The following SLC35F5 variants were observed in gnomAD, a reference collection of about 807,000 sequenced individuals.
SLC35F5 encodes HCV NS5A-transactivated protein 3.
In SLC35F5, 54 loss-of-function variants were observed where a neutral mutation model predicts 68.6. The observed-to-expected ratio is 0.79, with a 90% CI of 0.63 to 0.99. The LOEUF (loss-of-function observed/expected upper bound fraction) is 0.99. SLC35F5 is among the 50% of genes least tolerant of loss of function. The probability of loss-of-function intolerance (pLI) is 0.00; values close to 1 mark genes in which losing one functional copy is unlikely to be tolerated. For missense variants in SLC35F5, 567 were observed against 626.9 expected (o/e 0.90, Z 1.02); for synonymous variants, 211 against 205.2 (o/e 1.03, Z -0.24).
chr2:113,728,076 C>G (rs1316328406), intron 11 of SLC35F5, among the ~76,000 whole-genome samples: 1 of 152,120 alleles, frequency 6.6e-6, no homozygotes. Flanking sequence ...ACTGCAGACT[C>G]GAACTCCTGG....
intron 13 of SLC35F5, among the ~76,000 whole-genome samples, chr2:113,721,725 T>G (rs1301137731): frequency 1.3e-5 from 2 of 152,164 alleles, no homozygotes; most frequent in South Asian, 2.1e-4. Flanking sequence ...AAGAAGGGCC[T>G]AGATATTACT....
At chr2:113,723,023 A>G in intron 13 of SLC35F5, 81 bp downstream of exon 13, 1 of 908,660 alleles carries the variant, frequency 1.1e-6, no homozygotes, top group Non-Finnish European at 1.6e-6. Context: ...TATCCTTATA[A>G]TTTAATCACA....
rs369261900 is a variant in SLC35F5 at position 113,743,692 on chromosome 2, C to G, written c.562+21G>C. ...GCTTGAATAAAGGTAAACTTTCTAC[C>G]CATTTCCAAGTTTTGCTTACTTTTT... On this transcript the variant is annotated intron_variant, in intron 6 of 15. Transcript: ENST00000245680. The G allele has an allele frequency of 2.5e-6, 4 of 1,595,096 alleles. No homozygotes were observed. In the African/African-American group the frequency reaches 5.4e-5, roughly 21 times the overall value.
At chr2:113,745,008 T>C (rs1205421443) in intron 5 of SLC35F5, among the ~76,000 whole-genome samples, 2 of 152,142 alleles carry the variant, frequency 1.3e-5, no homozygotes, top group African/African-American at 4.8e-5. Flanking sequence ...TTTTAACTCC[T>C]GGTACAGAGC....
At chr2:113,753,179 T>C (rs1447712491) in intron 3 of SLC35F5, among the ~76,000 whole-genome samples, 2 of 131,652 alleles carry the variant, frequency 1.5e-5, no homozygotes, top group Non-Finnish European at 3.3e-5. Flanking sequence ...TTTTTTTTTT[T>C]TTTTTTTTTT....
chr2:113,755,093 T>C, intron 3 of SLC35F5, 72 bp downstream of exon 3: 1 of 1,455,858 alleles, frequency 6.9e-7, no homozygotes, highest in Non-Finnish European at 9.4e-7. Context: ...TTGTAACGGC[T>C]AGAGTTACTA....
chr2:113,750,373 A>G, intron 4 of SLC35F5, 52 bp downstream of exon 4: 1 of 1,476,348 alleles, frequency 6.8e-7, no homozygotes, highest in South Asian at 1.4e-5. Context: ...TAAACTTTGA[A>G]AAAACGTATC....
chr2:113,753,097 T>C (rs13025042), intron 3 of SLC35F5, among the ~76,000 whole-genome samples: 21,283 of 150,412 alleles, frequency 0.14, 1,645 homozygotes, highest in African/African-American at 0.18. Flanking sequence ...TTGTATATGT[T>C]AGAAAATAAC....
chr2:113,736,751 T>G (rs1559344105), intron 7 of SLC35F5, among the ~76,000 whole-genome samples: 1 of 152,184 alleles, frequency 6.6e-6, no homozygotes. Context: ...TCTCATAACT[T>G]TGGATACAGT....
Position 113,754,015 on chromosome 2 carries a change from G to A in SLC35F5, c.273+1150C>T, listed in dbSNP as rs143527605. Among the ~76,000 whole-genome samples, 536 of 152,222 alleles carry A rather than the reference G, an allele frequency of 3.5e-3. 1 individual carries two copies. The highest frequency in any genetic ancestry group is 5.7e-3 in the Non-Finnish European group (388 of 68,006). ...GCATAAAAACTTATATACTTGGCCA[G>A]GTGAGGTGGCTCACGTCTGTAATCC... is the stretch of plus-strand genomic sequence containing the variant. On this transcript the variant is annotated intron_variant, in intron 3 of 15. Coordinates refer to ENST00000245680, the MANE Select transcript of SLC35F5 (RefSeq NM_025181.5).
chr2:113,735,957 G>A (rs956867676), intron 7 of SLC35F5, 99 bp from the exon 8 acceptor site: 12 of 679,614 alleles, frequency 1.8e-5, no homozygotes, highest in Admixed American at 3.0e-5. Context: ...CCTAAATACC[G>A]TTCTCACAAG....
In SLC35F5 at chr2:113,746,272, C is replaced by T. The variant is rs774175903; in HGVS notation, c.480+5G>A. On this transcript the variant is annotated splice_donor_5th_base_variant and intron_variant, in intron 5 of 15. Coordinates refer to ENST00000245680, the MANE Select transcript of SLC35F5 (RefSeq NM_025181.5). The stretch of plus-strand genomic sequence containing the variant: ...TCTATTCCTGACAAGAAAAGAAGCA[C>T]TTACCAAAGAACTATTCATAGTTGT... The T allele has an allele frequency of 3.7e-6, 6 of 1,612,090 alleles. No homozygotes were observed. Among genetic ancestry groups the T allele is most frequent in the Non-Finnish European group, 5.1e-6 (6 of 1,178,914 alleles).
chr2:113,742,988 ACAGT>A (rs1349342227), intron 6 of SLC35F5, 109 bp from the exon 7 acceptor site: 6 of 1,079,932 alleles, frequency 5.6e-6, no homozygotes, highest in East Asian at 2.6e-5. Context: ...TCAGAGTAAG[ACAGT>A]CAAAGTAAAC....
In SLC35F5 at chr2:113,756,436, G is replaced by T. The variant is rs1454946578; in HGVS notation, c.-27C>A. 9 of 1,542,228 alleles carry T rather than the reference G, an allele frequency of 5.8e-6. No homozygotes were observed. In the East Asian group the frequency reaches 2.2e-4, roughly 38 times the overall value. On this transcript the variant is annotated 5_prime_UTR_variant, in exon 1 of 16. Transcript: ENST00000245680. Reference sequence around the variant, plus strand: ...AGCGGACCGGTCAGGCCCCGCAGCCGCCCAGCGCCACGGCCGCGGCCTCGG... The same window carrying T: ...AGCGGACCGGTCAGGCCCCGCAGCCTCCCAGCGCCACGGCCGCGGCCTCGG...
At chr2:113,753,801 C>G (rs1676853871) in intron 3 of SLC35F5, among the ~76,000 whole-genome samples, 2 of 151,580 alleles carry the variant, frequency 1.3e-5, no homozygotes, top group Admixed American at 6.6e-5. Flanking sequence ...ATTTTATTAA[C>G]TAATATATAA....
Position 113,743,698 on chromosome 2 carries a change from C to T in SLC35F5, c.562+15G>A. The T allele has an allele frequency of 3.1e-6, 5 of 1,604,062 alleles. No homozygotes were observed. Among genetic ancestry groups the T allele is most frequent in the Non-Finnish European group, 3.4e-6 (4 of 1,173,328 alleles). On this transcript the variant is annotated intron_variant, in intron 6 of 15. Coordinates refer to ENST00000245680, the MANE Select transcript of SLC35F5 (RefSeq NM_025181.5). The stretch of plus-strand genomic sequence containing the variant: ...ATAAAGGTAAACTTTCTACCCATTT[C>T]CAAGTTTTGCTTACTTTTTTCAGTA...
At chr2:113,756,289 G>T in intron 1 of SLC35F5, 81 bp downstream of exon 1, 1 of 1,546,438 alleles carries the variant, frequency 6.5e-7, no homozygotes, top group Non-Finnish European at 8.7e-7. Context: ...CTGCCACCGA[G>T]GGCAGGAGGT....
intron 7 of SLC35F5, among the ~76,000 whole-genome samples, chr2:113,739,572 G>A (rs1312069909): frequency 6.6e-6 from 1 of 152,208 alleles, no homozygotes; most frequent in African/African-American, 2.4e-5. Flanking sequence ...AATTACGTAT[G>A]TAATAAAAAT....
chr2:113,726,316 T>G (rs925405662), intron 11 of SLC35F5, among the ~76,000 whole-genome samples: 1 of 152,162 alleles, frequency 6.6e-6, no homozygotes, highest in Non-Finnish European at 1.5e-5. Context: ...GGTAAGCACT[T>G]AATAAAAGTT....
Sources: gnomAD v4.1 joint callset for allele counts (sites outside exome capture counted in the v4.1 genomes callset) on GRCh38, gnomAD v4.1.1 for gene constraint, MANE v1.5 for transcripts, NCBI Gene and HGNC (gene_info 2026-07-23, HGNC 2026-07-21) for gene names.